CACNA2D3: variants seen among roughly 807,000 people sequenced by gnomAD.
The protein encoded by CACNA2D3 is calcium voltage-gated channel auxiliary subunit alpha2delta 3, also known as voltage-dependent calcium channel subunit alpha-2/delta-3.
In CACNA2D3, 60 loss-of-function variants were observed where a neutral mutation model predicts 160.6. The observed-to-expected ratio is 0.37, with a 90% CI of 0.30 to 0.46. The LOEUF is 0.46. Ranked by LOEUF, CACNA2D3 falls within the 20% of genes least tolerant of loss-of-function variation. The pLI, the probability that CACNA2D3 is intolerant of heterozygous loss-of-function variation, is 1.00. For missense variants in CACNA2D3, 1,205 were observed against 1,365.0 expected, an observed-to-expected ratio of 0.88 and a Z score of 1.85; for synonymous variants, 558 against 492.9, an observed-to-expected ratio of 1.13 and a Z score of -1.75.
At chr3:55,070,481 G>A (rs1253888191) in intron 35 of CACNA2D3, among the ~76,000 whole-genome samples, 1 of 152,146 alleles carries the variant, frequency 6.6e-6, no homozygotes, top group African/African-American at 2.4e-5. Context: ...CAACCTCCAG[G>A]AAGGGCTAGT....
intron 2 of CACNA2D3, among the ~76,000 whole-genome samples, chr3:54,293,333 T>C (rs965852881): frequency 1.6e-4 from 24 of 152,154 alleles, no homozygotes; most frequent in Non-Finnish European, 3.4e-4. Context: ...CGATGTGTAG[T>C]CTTTTATCCC....
intron 27 of CACNA2D3, among the ~76,000 whole-genome samples, chr3:54,907,067 ACTC>A (rs1700463069): frequency 6.6e-6 from 1 of 151,972 alleles, no homozygotes. Flanking sequence ...CCCTTTCTAA[ACTC>A]CTCAAAAGCC....
At chr3:54,571,667 C>T (rs866988642) in intron 8 of CACNA2D3, among the ~76,000 whole-genome samples, 1 of 144,370 alleles carries the variant, frequency 6.9e-6, no homozygotes, top group African/African-American at 2.5e-5. Flanking sequence ...GTGGTGGACA[C>T]TTATTCTTTT....
At chr3:54,874,113 C>T (rs1224152920) in intron 18 of CACNA2D3, among the ~76,000 whole-genome samples, 1 of 152,148 alleles carries the variant, frequency 6.6e-6, no homozygotes, top group Non-Finnish European at 1.5e-5. Flanking sequence ...TTAGTAACCA[C>T]AGTTATAACC....
intron 4 of CACNA2D3, among the ~76,000 whole-genome samples, chr3:54,486,071 G>A (rs187271445): frequency 6.6e-6 from 1 of 152,346 alleles, no homozygotes; most frequent in African/African-American, 2.4e-5. Context: ...TAGACAGGGA[G>A]AAGCTGTGAG....
intron 11 of CACNA2D3, among the ~76,000 whole-genome samples, chr3:54,661,194 T>G (rs1329058593): frequency 6.6e-6 from 1 of 152,182 alleles, no homozygotes; most frequent in Non-Finnish European, 1.5e-5. Context: ...AGGGTCAGCC[T>G]GGCTGGGGGA....
chr3:54,829,555 T>A (rs1703823838), intron 14 of CACNA2D3, among the ~76,000 whole-genome samples: 1 of 152,140 alleles, frequency 6.6e-6, no homozygotes, highest in African/African-American at 2.4e-5. Flanking sequence ...CCTGGTGCCC[T>A]CACAAACTAA....
At chr3:54,180,511 C>T (rs1178693816) in intron 2 of CACNA2D3, among the ~76,000 whole-genome samples, 2 of 152,290 alleles carry the variant, frequency 1.3e-5, no homozygotes, top group Admixed American at 1.3e-4. Flanking sequence ...ATACATCAAC[C>T]TACTACTGAA....
Position 54,809,311 on chromosome 3 carries a change from CT to C in CACNA2D3, c.1381-7524del, listed in dbSNP as rs1217898723. 8.8e-4 allele frequency among the ~76,000 whole-genome samples: 71 copies of C among 80,720 alleles called. 1 individual carries two copies. Among genetic ancestry groups the C allele is most frequent in the East Asian group, 7.7e-3 (17 of 2,204 alleles). The allele number at this position is 80,720 out of a possible 152,430, so 53.0% of individuals were successfully genotyped here. On this transcript the variant is annotated intron_variant, in intron 13 of 37. Coordinates refer to ENST00000474759, the MANE Select transcript of CACNA2D3 (RefSeq NM_018398.3). ...TCTTTCTTTCCTTCCTTCCTTCTTT[CT>C]TTTTTTTTTTTTTTTTTGAGACGGA... is the stretch of plus-strand genomic sequence containing the variant.
intron 3 of CACNA2D3, among the ~76,000 whole-genome samples, chr3:54,357,521 A>G (rs1698670332): frequency 6.6e-6 from 1 of 152,210 alleles, no homozygotes; most frequent in African/African-American, 2.4e-5. Flanking sequence ...GCAGTTTCTT[A>G]TGGGACTACA....
chr3:54,359,317 G>A (rs1698703134), intron 3 of CACNA2D3, among the ~76,000 whole-genome samples: 1 of 152,146 alleles, frequency 6.6e-6, no homozygotes, highest in South Asian at 2.1e-4. Context: ...AAACTTTTGG[G>A]AGAGCCTGCT....
intron 34 of CACNA2D3, among the ~76,000 whole-genome samples, chr3:55,013,612 A>G (rs1317247329): frequency 6.6e-6 from 1 of 152,128 alleles, no homozygotes; most frequent in African/African-American, 2.4e-5. Flanking sequence ...TGAGACATAC[A>G]TCTTTGTTTT....
chr3:54,262,233 A>C (rs1471514385), intron 2 of CACNA2D3, among the ~76,000 whole-genome samples: 1 of 152,130 alleles, frequency 6.6e-6, no homozygotes, highest in Non-Finnish European at 1.5e-5. Flanking sequence ...ATATCATATC[A>C]CAAACTCAGG....
chr3:54,538,195 C>G (rs886244445), intron 5 of CACNA2D3, among the ~76,000 whole-genome samples: 1 of 152,146 alleles, frequency 6.6e-6, no homozygotes, highest in Non-Finnish European at 1.5e-5. Flanking sequence ...ACCCCATGGG[C>G]TGCTCCCTAG....
chr3:54,961,355 GT>G (rs767454904), intron 27 of CACNA2D3, among the ~76,000 whole-genome samples: 54 of 152,188 alleles, frequency 3.5e-4, no homozygotes, highest in Non-Finnish European at 7.4e-4. Context: ...TACAATTTGG[GT>G]TTTGGGAAAA....
At chr3:54,702,448 C>T (rs1452497011) in intron 11 of CACNA2D3, among the ~76,000 whole-genome samples, 3 of 152,098 alleles carry the variant, frequency 2.0e-5, no homozygotes, top group East Asian at 1.9e-4. Context: ...CATGAACAGA[C>T]ACTTCTCAAA....
chr3:54,573,982 C>A (rs1702541562), intron 8 of CACNA2D3, among the ~76,000 whole-genome samples: 1 of 151,928 alleles, frequency 6.6e-6, no homozygotes, highest in African/African-American at 2.4e-5. Context: ...TAGAGGGCGA[C>A]CCAACTGCAG....
rs184736307 is a variant in CACNA2D3, at chr3:54,619,934, T to C, written c.964-7853T>C. 6.0e-4 allele frequency among the ~76,000 whole-genome samples: 92 copies of C among 152,264 alleles called. No homozygotes were observed. The South Asian group carries it at 6.8e-3, about 11-fold the overall frequency. On this transcript the variant is annotated intron_variant, in intron 9 of 37. Transcript: ENST00000474759. ...CAGGTTGAGGTTAGGGTTGGGTGTG[T>C]GTGTGTTGTCAGGAGGAATTAGATC...
chr3:55,027,129 A>G (rs891873345), intron 35 of CACNA2D3, among the ~76,000 whole-genome samples: 6 of 152,174 alleles, frequency 3.9e-5, no homozygotes, highest in African/African-American at 1.2e-4. Flanking sequence ...TCAATTTAAG[A>G]CTACTTTTAT....
Sources: gnomAD v4.1 joint callset for allele counts (sites outside exome capture counted in the v4.1 genomes callset) on GRCh38, gnomAD v4.1.1 for gene constraint, MANE v1.5 for transcripts, NCBI Gene and HGNC (gene_info 2026-07-23, HGNC 2026-07-21) for gene names.